FRYL: variants seen among roughly 807,000 people sequenced by gnomAD.
FRYL encodes the protein FRY like transcription coactivator.
A neutral mutation model predicts 351.2 loss-of-function variants in FRYL; 150 were observed. The ratio of observed to expected loss-of-function variants is 0.43; its 90% CI spans 0.37 to 0.49. The LOEUF is 0.49. Among genes scored for constraint, FRYL ranks in the 20% least tolerant of loss-of-function variants. The pLI, the probability that FRYL is intolerant of heterozygous loss-of-function variation, is 0.00. For missense variants in FRYL, 3,036 were observed against 3,619.3 expected (o/e 0.84, Z 4.13); for synonymous variants, 1,153 against 1,257.1 (o/e 0.92, Z 1.75).
chr4:48,515,607 T>C (rs1402499144), intron 55 of FRYL, among the ~76,000 whole-genome samples: 2 of 152,016 alleles, frequency 1.3e-5, no homozygotes, highest in Non-Finnish European at 2.9e-5. Flanking sequence ...CTCTTGACCT[T>C]GTGATCTGCC....
At chr4:48,531,426 C>A in intron 49 of FRYL, 73 bp from the exon 50 acceptor site, 6 of 846,916 alleles carry the variant, frequency 7.1e-6, no homozygotes, top group East Asian at 2.5e-5. Context: ...TTACTGTACA[C>A]CATAAAAATA....
At chr4:48,755,210 A>C (rs968444108) in intron 1 of FRYL, among the ~76,000 whole-genome samples, 3 of 152,010 alleles carry the variant, frequency 2.0e-5, no homozygotes, top group African/African-American at 7.2e-5. Context: ...TGGTTTTTTA[A>C]CCCATGTATG....
chr4:48,636,584 A>G (rs1270636948), intron 3 of FRYL, among the ~76,000 whole-genome samples: 1 of 151,980 alleles, frequency 6.6e-6, no homozygotes, highest in Non-Finnish European at 1.5e-5. Flanking sequence ...CTACTTTCTT[A>G]AAAATAAAGC....
At chr4:48,533,363 C>A (rs1728118636) in intron 49 of FRYL, among the ~76,000 whole-genome samples, 2 of 151,512 alleles carry the variant, frequency 1.3e-5, no homozygotes, top group South Asian at 2.1e-4. Context: ...AAGGATAAGA[C>A]ACAAGATAAA....
rs939275932 is a variant in FRYL at position 48,685,616 on chromosome 4, G to A, written c.-203-821C>T. 1.3e-4 allele frequency among the ~76,000 whole-genome samples: 20 copies of A among 152,246 alleles called. No homozygotes were observed. The Middle Eastern group carries it at 0.014, about 104-fold the overall frequency. On this transcript the variant is annotated intron_variant, in intron 2 of 63. Transcript: ENST00000358350. ...GTCTACCTAAAATAACTCTGAGGGC[G>A]TCATGGACCATGAACTACTGTACCA...
chr4:48,761,998 A>G (rs1206227281), intron 1 of FRYL, among the ~76,000 whole-genome samples: 5 of 152,144 alleles, frequency 3.3e-5, no homozygotes, highest in Admixed American at 2.6e-4. Flanking sequence ...TAGATTCCTC[A>G]TGAATAGGAT....
chr4:48,692,569 T>C (rs1765771549), intron 2 of FRYL, among the ~76,000 whole-genome samples: 1 of 152,154 alleles, frequency 6.6e-6, no homozygotes, highest in Non-Finnish European at 1.5e-5. Context: ...ATTTTTGTAT[T>C]TTTAGTAGAG....
At chr4:48,679,877 C>G (rs1470075626) in intron 3 of FRYL, among the ~76,000 whole-genome samples, 1 of 151,500 alleles carries the variant, frequency 6.6e-6, no homozygotes, top group African/African-American at 2.4e-5. Context: ...AGCACTCATC[C>G]CAAAGTATGA....
At chr4:48,509,372 G>A (rs1722000816) in intron 59 of FRYL, among the ~76,000 whole-genome samples, 1 of 152,170 alleles carries the variant, frequency 6.6e-6, no homozygotes, top group Non-Finnish European at 1.5e-5. Flanking sequence ...TTAGTCATCA[G>A]GGAAATGCAA....
intron 23 of FRYL, among the ~76,000 whole-genome samples, chr4:48,577,103 T>A (rs898188572): frequency 6.6e-6 from 1 of 152,206 alleles, no homozygotes; most frequent in Admixed American, 6.5e-5. Flanking sequence ...TAGCAATTTT[T>A]CCCTATTATA....
rs139449651 is a variant in FRYL, at chr4:48,543,294, A to G, written c.5592+513T>C. Among the ~76,000 whole-genome samples, 84 of 152,322 alleles carry G rather than the reference A, an allele frequency of 5.5e-4. 1 individual carries two copies. The highest frequency in any genetic ancestry group is 2.0e-3 in the African/African-American group (83 of 41,584). On this transcript the variant is annotated intron_variant, in intron 44 of 63. Transcript: ENST00000358350. The stretch of plus-strand genomic sequence containing the variant: ...ATTCACAGCATTATCAGTAGGATAA[A>G]TTATGTTATGTATAATTGGAAGACT...
intron 2 of FRYL, among the ~76,000 whole-genome samples, chr4:48,697,343 A>C (rs1766296250): frequency 6.6e-6 from 1 of 152,184 alleles, no homozygotes; most frequent in African/African-American, 2.4e-5. Context: ...TCAGATTTGT[A>C]AACAAGGGAA....
chr4:48,592,081 CTTAT>C (rs1416334231), intron 16 of FRYL, among the ~76,000 whole-genome samples: 4 of 24,808 alleles, frequency 1.6e-4, no homozygotes, highest in African/African-American at 6.5e-4. Flanking sequence ...AAATAAAGCT[CTTAT>C]ATATATATAT....
intron 3 of FRYL, among the ~76,000 whole-genome samples, chr4:48,651,745 T>C (rs1757752687): frequency 6.6e-6 from 1 of 152,224 alleles, no homozygotes. Flanking sequence ...ACTATCCTTT[T>C]CTATGGTCTT....
In FRYL at chr4:48,528,197, CA is replaced by C; in HGVS notation, c.7042del (p.Trp2348GlyfsTer15). 1 of 1,612,814 alleles carries C rather than the reference CA, an allele frequency of 6.2e-7. No individual in the cohort carries two copies. Among genetic ancestry groups the C allele is most frequent in the Non-Finnish European group, 8.5e-7 (1 of 1,179,254 alleles). On this transcript the variant is annotated frameshift_variant, in exon 51 of 64. Coordinates refer to ENST00000358350, the MANE Select transcript of FRYL (RefSeq NM_015030.2). LOFTEE classifies it high-confidence loss of function. The stretch of plus-strand genomic sequence containing the variant: ...TACCTGTGATAACTGTGGCCTTTTC[CA>C]ACTAACAGGAACCAAGGCATTAGAA... ...SNSNALVPVS[W>X]KRPQLSQRRT...
Position 48,579,121 on chromosome 4 carries a change from C to T in FRYL, c.2380G>A (p.Val794Met), listed in dbSNP as rs1740300280. ...ATCCATGGGTCTTGGCCTTGGGTCA[C>T]ATGTGCAAATATCCATATATGTGAT... is the stretch of plus-strand genomic sequence containing the variant. ...SPSHIWIFAHVTQGQDPWIIS... is the reference protein window; with the variant it reads ...SPSHIWIFAHMTQGQDPWIIS... The change falls in exon 23 of 64, where the codon GTG becomes ATG. Residue 794 changes from valine (V) to methionine (M), a missense_variant. This residue lies in a region of FRYL where 492 missense variants were observed against 551.5 expected (regional missense o/e 0.89). Coordinates refer to ENST00000358350, the MANE Select transcript of FRYL (RefSeq NM_015030.2). 2 of 1,613,852 alleles carry T rather than the reference C, an allele frequency of 1.2e-6. No homozygotes were observed. The highest frequency in any genetic ancestry group is 1.3e-5 in the African/African-American group (1 of 74,880).
At chr4:48,688,050 C>G (rs1765334429) in intron 2 of FRYL, among the ~76,000 whole-genome samples, 1 of 152,136 alleles carries the variant, frequency 6.6e-6, no homozygotes, top group Non-Finnish European at 1.5e-5. Flanking sequence ...AAGATCCAAG[C>G]TCAAAACTCT....
At chr4:48,632,102 A>ATATATATATATGTATG (rs1553957601) in intron 4 of FRYL, among the ~76,000 whole-genome samples, 3 of 36,774 alleles carry the variant, frequency 8.2e-5, no homozygotes, top group Non-Finnish European at 1.9e-4. Flanking sequence ...ATATATATAT[A>ATATATATATATGTATG]TATATATATA....
chr4:48,732,009 T>C (rs924446131), intron 1 of FRYL, among the ~76,000 whole-genome samples: 2 of 151,914 alleles, frequency 1.3e-5, no homozygotes, highest in Non-Finnish European at 2.9e-5. Context: ...TGGGAGAAAA[T>C]TTTTGCAATC....
Sources: allele counts gnomAD v4.1 joint callset (sites outside exome capture counted in the v4.1 genomes callset), GRCh38; gene constraint gnomAD v4.1.1; regional missense constraint gnomAD v4.1.1; transcripts MANE v1.5; gene names NCBI Gene and HGNC (gene_info 2026-07-23, HGNC 2026-07-21).